Variants in MALRD1 observed in about 807,000 individuals in gnomAD.
The protein encoded by MALRD1 is MAM and LDL-receptor class A domain-containing protein 1.
In MALRD1, 247 loss-of-function variants were observed where a neutral mutation model predicts 242.1. That is an observed-to-expected ratio of 1.02 (90% confidence interval 0.92 to 1.13). The LOEUF is 1.13. MALRD1 is among the 50% of genes most tolerant of loss of function. The pLI is 0.00. For missense variants in MALRD1, 2,989 were observed against 2,533.1 expected, an observed-to-expected ratio of 1.18 and a Z score of -3.86; for synonymous variants, 995 against 866.6, an observed-to-expected ratio of 1.15 and a Z score of -2.60.
chr10:19,411,640 G>A (rs1055973756), intron 28 of MALRD1, among the ~76,000 whole-genome samples: 3 of 152,212 alleles, frequency 2.0e-5, no homozygotes, highest in East Asian at 3.9e-4. Context: ...CCAGTTCCAG[G>A]ATCCGAGCGC....
chr10:19,185,813 TAG>T (rs1835712504), intron 14 of MALRD1, among the ~76,000 whole-genome samples: 1 of 69,428 alleles, frequency 1.4e-5, no homozygotes. Flanking sequence ...TGTTTTGAGA[TAG>T]TGTGTGTGTG....
At chr10:19,692,801 A>ATATATATATGAAATT (rs1483017533) in intron 38 of MALRD1, among the ~76,000 whole-genome samples, 71 of 145,160 alleles carry the variant, frequency 4.9e-4, no homozygotes, top group African/African-American at 1.7e-3. Flanking sequence ...GAGGGCGTAT[A>ATATATATATGAAATT]TATATATATA....
intron 33 of MALRD1, among the ~76,000 whole-genome samples, chr10:19,589,217 A>G (rs1358253953): frequency 6.6e-6 from 1 of 152,208 alleles, no homozygotes. Flanking sequence ...ATAGATAGAT[A>G]GAAGATAGAT....
intron 32 of MALRD1, among the ~76,000 whole-genome samples, chr10:19,564,901 G>A (rs1219434324): frequency 6.6e-6 from 1 of 151,862 alleles, no homozygotes; most frequent in Non-Finnish European, 1.5e-5. Context: ...GTTGTTAGTG[G>A]GCTTCTCATT....
intron 29 of MALRD1, among the ~76,000 whole-genome samples, chr10:19,470,172 C>A (rs571432274): frequency 4.5e-4 from 69 of 152,052 alleles, no homozygotes; most frequent in African/African-American, 1.6e-3. Flanking sequence ...AAGAAGATTC[C>A]ACATATAACT....
chr10:19,358,437 C>T (rs1844741018), intron 26 of MALRD1, among the ~76,000 whole-genome samples: 1 of 152,132 alleles, frequency 6.6e-6, no homozygotes, highest in Non-Finnish European at 1.5e-5. Flanking sequence ...TGTAGCAACT[C>T]AGTCAGAGTC....
chr10:19,622,006 T>C (rs1443236400), intron 36 of MALRD1, among the ~76,000 whole-genome samples: 2 of 151,852 alleles, frequency 1.3e-5, no homozygotes, highest in African/African-American at 4.8e-5. Flanking sequence ...TGTAAATTGA[T>C]GGATTTTTTT....
chr10:19,498,065 C>CT (rs1386012022), intron 30 of MALRD1, among the ~76,000 whole-genome samples: 2 of 152,290 alleles, frequency 1.3e-5, no homozygotes, highest in Non-Finnish European at 2.9e-5. Context: ...CCCAAAGTGC[C>CT]TTTTCTTGAG....
intron 2 of MALRD1, among the ~76,000 whole-genome samples, chr10:19,078,455 T>C (rs1003219477): frequency 1.5e-4 from 23 of 151,976 alleles, no homozygotes; most frequent in African/African-American, 5.3e-4. Flanking sequence ...TTGATGTATA[T>C]TCATCAGTTA....
At chr10:19,600,980 G>A (rs1357145455) in intron 34 of MALRD1, among the ~76,000 whole-genome samples, 2 of 151,960 alleles carry the variant, frequency 1.3e-5, no homozygotes, top group African/African-American at 4.8e-5. Flanking sequence ...GCCCTCCCAG[G>A]CTCAAGCAAT....
chr10:19,644,933 A>G (rs1272153802), intron 36 of MALRD1, among the ~76,000 whole-genome samples: 10 of 152,208 alleles, frequency 6.6e-5, no homozygotes, highest in Admixed American at 5.2e-4. Context: ...GTCCATGTGG[A>G]GTAAGTAACA....
chr10:19,144,502 T>C (rs1466879450), intron 10 of MALRD1, among the ~76,000 whole-genome samples: 2 of 152,238 alleles, frequency 1.3e-5, no homozygotes, highest in Non-Finnish European at 2.9e-5. Context: ...ATAAAATATG[T>C]GGTCATAAAA....
intron 29 of MALRD1, among the ~76,000 whole-genome samples, chr10:19,483,528 C>G (rs574972607): frequency 3.2e-4 from 48 of 152,150 alleles, no homozygotes; most frequent in Non-Finnish European, 6.2e-4. Context: ...ATATGGTCAA[C>G]GAACATGAAA....
At chr10:19,283,329 A>G (rs1056914787) in intron 21 of MALRD1, 148 bp downstream of exon 21, 2 of 647,144 alleles carry the variant, frequency 3.1e-6, no homozygotes, top group African/African-American at 3.8e-5. Context: ...TTCATACAAA[A>G]TGGAAAAATT....
At chr10:19,310,645 G>T (rs1842389499) in intron 21 of MALRD1, among the ~76,000 whole-genome samples, 1 of 151,372 alleles carries the variant, frequency 6.6e-6, no homozygotes, top group East Asian at 2.0e-4. Flanking sequence ...TCATTGTGTG[G>T]CCCAGGCTTC....
At chr10:19,462,749 G>T (rs1417379981) in intron 29 of MALRD1, among the ~76,000 whole-genome samples, 1 of 152,194 alleles carries the variant, frequency 6.6e-6, no homozygotes, top group Non-Finnish European at 1.5e-5. Flanking sequence ...TAGTCCAATA[G>T]TGAGGATAAA....
intron 18 of MALRD1, among the ~76,000 whole-genome samples, chr10:19,215,716 A>C (rs1837280930): frequency 7.0e-6 from 1 of 142,302 alleles, no homozygotes; most frequent in Non-Finnish European, 1.6e-5. Flanking sequence ...GACGTGCTAT[A>C]ATAAATTAGT....
chr10:19,078,059 A>T (rs1243738492), intron 2 of MALRD1, among the ~76,000 whole-genome samples: 1 of 151,936 alleles, frequency 6.6e-6, no homozygotes, highest in Non-Finnish European at 1.5e-5. Flanking sequence ...CTAGCAAAAA[A>T]AATGGTGCAT....
intron 12 of MALRD1, among the ~76,000 whole-genome samples, chr10:19,164,955 A>G (rs1423256063): frequency 6.6e-6 from 1 of 152,056 alleles, no homozygotes; most frequent in African/African-American, 2.4e-5. Context: ...TTATTTGTTA[A>G]TGCTACCACA....
Sources: gnomAD v4.1 joint callset for allele counts (sites outside exome capture counted in the v4.1 genomes callset) on GRCh38, gnomAD v4.1.1 for gene constraint, MANE v1.5 for transcripts, NCBI Gene and HGNC (gene_info 2026-07-23, HGNC 2026-07-21) for gene names.